Variants in TMEM143 observed in about 807,000 individuals in gnomAD.
TMEM143 encodes transmembrane protein 143.
A neutral mutation model predicts 40.3 loss-of-function variants in TMEM143; 45 were observed. That is an observed-to-expected ratio of 1.12 (90% CI 0.88 to 1.43). The LOEUF (loss-of-function observed/expected upper bound fraction) is 1.43. Ranked by LOEUF, TMEM143 falls within the 40% of genes most tolerant of loss-of-function variation. The pLI is 0.00. For synonymous variants in TMEM143, 299 were observed against 282.7 expected (o/e 1.06, Z -0.58); for missense variants, 620 against 613.4 (o/e 1.01, Z -0.11).
chr19:48,340,982 C>G (rs1969474117), intron 6 of TMEM143, among the ~76,000 whole-genome samples: 1 of 152,194 alleles, frequency 6.6e-6, no homozygotes, highest in Non-Finnish European at 1.5e-5. Flanking sequence ...TGCTCCCTCC[C>G]CAGCCCCTCT....
At position 48,333,987 on chromosome 19, in the gene TMEM143, G is replaced by T. The variant is rs1420452026; in HGVS notation, c.1165+21C>A. Reference sequence around the variant, plus strand: ...GCGGGGGTGTGGCCCCTGGGGGCAGGGTCCCAGGGCCACGTCCTACCTTCG... The same window carrying T: ...GCGGGGGTGTGGCCCCTGGGGGCAGTGTCCCAGGGCCACGTCCTACCTTCG... On this transcript the variant is annotated intron_variant, in intron 7 of 7. Coordinates refer to ENST00000293261, the MANE Select transcript of TMEM143 (RefSeq NM_018273.4). This position sits in a 1 kb window ranked among gnomAD's most constrained non-coding sequence, Gnocchi z 4.1. 1 of 1,513,614 alleles carries T rather than the reference G, an allele frequency of 6.6e-7. No homozygotes were observed. The highest frequency in any genetic ancestry group is 1.2e-5 in the South Asian group (1 of 82,676). The allele number at this position is 1,513,614 out of a possible 1,614,324, so 93.8% of individuals were successfully genotyped here. A position where few individuals can be genotyped will look rare whatever the true frequency, so the allele number is the denominator to read the frequency against.
intron 5 of TMEM143, 177 bp from the exon 6 acceptor site, chr19:48,342,986 A>T (rs1485776947): frequency 6.4e-6 from 5 of 776,234 alleles, no homozygotes; most frequent in Non-Finnish European, 1.0e-5. Flanking sequence ...GATCGGTTCA[A>T]TCGCGCCATC....
At chr19:48,339,885 C>A (rs576329011) in intron 6 of TMEM143, among the ~76,000 whole-genome samples, 1 of 151,190 alleles carries the variant, frequency 6.6e-6, no homozygotes, top group African/African-American at 2.4e-5. Flanking sequence ...TGCGCCACCA[C>A]GCCTGGCTAA....
rs1248725562 is a variant in TMEM143, at chr19:48,333,971, T to C, written c.1165+37A>G. 4 of 1,490,510 alleles carry C rather than the reference T, an allele frequency of 2.7e-6. No homozygotes were observed. The highest frequency in any genetic ancestry group is 4.5e-5 in the Admixed American group (2 of 44,884). 92.3% of individuals were successfully genotyped at this position (1,490,510 alleles called of 1,614,324 possible). A position where few individuals can be genotyped will look rare whatever the true frequency, so the allele number is the denominator to read the frequency against. The stretch of plus-strand genomic sequence containing the variant: ...GCTGGGGCGGGGCCTCGCGGGGGTG[T>C]GGCCCCTGGGGGCAGGGTCCCAGGG... On this transcript the variant is annotated intron_variant, in intron 7 of 7. Coordinates refer to ENST00000293261, the MANE Select transcript of TMEM143 (RefSeq NM_018273.4). This position sits in a 1 kb window ranked among gnomAD's most constrained non-coding sequence, Gnocchi z 4.1.
chr19:48,350,040 AC>A (rs1371219573), intron 3 of TMEM143, among the ~76,000 whole-genome samples: 2 of 127,176 alleles, frequency 1.6e-5, no homozygotes, highest in African/African-American at 3.0e-5. Flanking sequence ...TCACTCTGTC[AC>A]CCAGGCTGGA....
chr19:48,363,437 G>A lies in TMEM143; in HGVS notation c.118C>T (p.Pro40Ser), dbSNP rs937307702. 3 of 1,614,002 alleles carry A rather than the reference G, an allele frequency of 1.9e-6. No homozygotes were observed. The highest frequency in any genetic ancestry group is 2.2e-5 in the East Asian group (1 of 44,886). ...VWPLLPALLG[P>S]PRALSSLAAK... ...GCCAGCGATGAGAGGGCCCGGGGGGGCCCGAGGAGCGCGGGCAACAGTGGC... is the reference window on the plus strand; with the variant it reads ...GCCAGCGATGAGAGGGCCCGGGGGGACCCGAGGAGCGCGGGCAACAGTGGC... The change falls in exon 2 of 8, where the codon CCC (proline) becomes TCC (serine). Residue 40 changes from proline to serine, a missense_variant. Physicochemically the swap from Pro to Ser is moderately conservative, Grantham distance 74 (BLOSUM62 -1). Coordinates refer to ENST00000293261, the MANE Select transcript of TMEM143 (RefSeq NM_018273.4).
intron 6 of TMEM143, among the ~76,000 whole-genome samples, chr19:48,339,011 A>G (rs1007624900): frequency 6.6e-6 from 1 of 152,086 alleles, no homozygotes; most frequent in African/African-American, 2.4e-5. Context: ...AGCATGCAGG[A>G]GGAGCTGAGG....
intron 6 of TMEM143, among the ~76,000 whole-genome samples, chr19:48,334,508 CT>C (rs1969320301): frequency 3.6e-5 from 4 of 112,554 alleles, no homozygotes; most frequent in Admixed American, 2.8e-4. Flanking sequence ...TTCTTTCTTT[CT>C]TTTCTTTCTT....
intron 6 of TMEM143, among the ~76,000 whole-genome samples, chr19:48,334,474 CTTTCTTT>C (rs1176544262): frequency 2.1e-5 from 1 of 47,864 alleles, no homozygotes; most frequent in African/African-American, 6.2e-5. Flanking sequence ...TTCTTTCTTT[CTTTCTTT>C]TTCTTTCTTT....
At chr19:48,338,603 C>T (rs1041795837) in intron 6 of TMEM143, among the ~76,000 whole-genome samples, 2 of 152,232 alleles carry the variant, frequency 1.3e-5, no homozygotes, top group Non-Finnish European at 2.9e-5. Context: ...CTCTCGCGGA[C>T]GAGCAGATGC....
chr19:48,334,905 C>T (rs532804525), intron 6 of TMEM143, among the ~76,000 whole-genome samples: 1 of 152,210 alleles, frequency 6.6e-6, no homozygotes, highest in Admixed American at 6.5e-5. Context: ...TTTTAACACA[C>T]GTGCCCTCAT....
intron 3 of TMEM143, among the ~76,000 whole-genome samples, chr19:48,347,876 C>A (rs1969674800): frequency 6.9e-6 from 1 of 144,288 alleles, no homozygotes; most frequent in Non-Finnish European, 1.5e-5. Context: ...TTTTAATTAG[C>A]CAGGCACAAT....
intron 2 of TMEM143, among the ~76,000 whole-genome samples, chr19:48,360,884 T>A (rs1569039102): frequency 6.6e-6 from 1 of 152,098 alleles, no homozygotes; most frequent in Admixed American, 6.6e-5. Context: ...CCTCCTGGGA[T>A]GAAGCGATCC....
At chr19:48,343,041 C>T (rs1178219062) in intron 5 of TMEM143, 7 of 676,814 alleles carry the variant, frequency 1.0e-5, no homozygotes, top group South Asian at 4.1e-5. Context: ...GAATCCTGGC[C>T]GTGCCGCATC....
chr19:48,340,950 A>C (rs968876821), intron 6 of TMEM143, among the ~76,000 whole-genome samples: 13 of 152,026 alleles, frequency 8.6e-5, no homozygotes, highest in African/African-American at 3.1e-4. Flanking sequence ...ATCCTACCTG[A>C]GCCCTGGTCC....
chr19:48,363,864 C>G, intron 1 of TMEM143, 34 bp downstream of exon 1: 1 of 1,613,914 alleles, frequency 6.2e-7, no homozygotes, highest in Non-Finnish European at 8.5e-7. Flanking sequence ...GGGCCGCCCT[C>G]CCTGGCCATG....
chr19:48,346,928 A>G (rs73587254), intron 3 of TMEM143, among the ~76,000 whole-genome samples: 2,017 of 152,200 alleles, frequency 0.013, 49 homozygotes, highest in African/African-American at 0.046. Context: ...GGAAGAACTT[A>G]CTGAGGCTGT....
intron 3 of TMEM143, among the ~76,000 whole-genome samples, chr19:48,359,373 T>G (rs1969980234): frequency 6.6e-6 from 1 of 151,984 alleles, no homozygotes; most frequent in African/African-American, 2.4e-5. Flanking sequence ...CTCTTCCATC[T>G]GCCAAGAACA....
chr19:48,362,961 A>G (rs1462050882), intron 2 of TMEM143, among the ~76,000 whole-genome samples: 2 of 152,224 alleles, frequency 1.3e-5, no homozygotes, highest in African/African-American at 4.8e-5. Flanking sequence ...TTGTGACTTT[A>G]TAGGTACAAT....
Sources: allele counts gnomAD v4.1 joint callset (sites outside exome capture counted in the v4.1 genomes callset), GRCh38; gene constraint gnomAD v4.1.1; non-coding constraint Gnocchi (gnomAD v3.1); transcripts MANE v1.5; gene names NCBI Gene and HGNC (gene_info 2026-07-23, HGNC 2026-07-21).